TEAD2: variants seen among roughly 807,000 people sequenced by gnomAD.
TEAD2 encodes TEA domain transcription factor 2.
Under a neutral mutation model 61.4 loss-of-function variants are expected in TEAD2, and 51 were observed. The observed-to-expected ratio is 0.83, with a 90% CI of 0.66 to 1.05. The LOEUF (loss-of-function observed/expected upper bound fraction) is 1.05, where lower values mean the gene tolerates loss of function less well. Ranked by LOEUF, TEAD2 falls within the 50% of genes least tolerant of loss-of-function variation. The probability of loss-of-function intolerance (pLI) is 0.00; values close to 1 mark genes in which losing one functional copy is unlikely to be tolerated. For missense variants in TEAD2, 509 were observed against 600.0 expected, an observed-to-expected ratio of 0.85 and a Z score of 1.58; for synonymous variants, 244 against 243.2, an observed-to-expected ratio of 1.00 and a Z score of -0.03.
At position 49,358,822 on chromosome 19, in the gene TEAD2, G is replaced by A. The variant is rs1342667136; in HGVS notation, c.297+613C>T. On this transcript the variant is annotated intron_variant, in intron 3 of 12. Coordinates refer to ENST00000593945, the MANE Select transcript of TEAD2 (RefSeq NM_001256660.2). ...TAATTTTTGTATTTTTAGTAGAGAC[G>A]GGGTTTCACCATGTTGGTCAGGATG... Among the ~76,000 whole-genome samples, 13 of 151,568 alleles carry A rather than the reference G, an allele frequency of 8.6e-5. No individual in the cohort carries two copies. The East Asian group carries it at 1.4e-3, about 16-fold the overall frequency.
At chr19:49,342,629 A>G in intron 11 of TEAD2, 39 bp from the exon 12 acceptor site, 1 of 1,598,608 alleles carries the variant, frequency 6.3e-7, no homozygotes, top group South Asian at 1.1e-5. Flanking sequence ...ATGGTGGCTG[A>G]GAGACCCACG....
intron 8 of TEAD2, 145 bp downstream of exon 8, chr19:49,351,156 C>T (rs763241715): frequency 1.6e-4 from 123 of 751,618 alleles, no homozygotes; most frequent in Admixed American, 3.2e-4. Context: ...TCCAGCCTGG[C>T]GACAGAGGGA....
intron 10 of TEAD2, among the ~76,000 whole-genome samples, chr19:49,345,110 C>A (rs1971548715): frequency 6.6e-6 from 1 of 152,140 alleles, no homozygotes; most frequent in Admixed American, 6.6e-5. Flanking sequence ...AGTCCTGGGA[C>A]CTGATAAGGC....
chr19:49,356,619 G>A (rs980997443), intron 4 of TEAD2, among the ~76,000 whole-genome samples: 1 of 152,064 alleles, frequency 6.6e-6, no homozygotes, highest in African/African-American at 2.4e-5. Context: ...CAAACCAGCG[G>A]AGATGAAGAG....
At chr19:49,361,031 AGGGGGGGAC>A (rs1568585349) in intron 1 of TEAD2, among the ~76,000 whole-genome samples, 959 of 24,722 alleles carry the variant, frequency 0.039, 72 homozygotes, top group African/African-American at 0.15. Context: ...GACCAGAGGG[AGGGGGGGAC>A]AGAGACCAGA....
chr19:49,356,589 A>T (rs2146568871), intron 4 of TEAD2, among the ~76,000 whole-genome samples: 1 of 152,170 alleles, frequency 6.6e-6, no homozygotes, highest in East Asian at 1.9e-4. Context: ...AGGTCATGCA[A>T]AGGTCAGGAA....
At chr19:49,350,012 T>C (rs1971909423) in intron 8 of TEAD2, among the ~76,000 whole-genome samples, 2 of 152,256 alleles carry the variant, frequency 1.3e-5, no homozygotes, top group South Asian at 4.1e-4. Context: ...AAGGCACTTT[T>C]AATGTGGGTC....
In TEAD2 at chr19:49,341,189, C is replaced by T. The variant is rs764286970; in HGVS notation, c.*135G>A. 4.0e-6 allele frequency: 3 copies of T among 745,662 alleles called. No individual in the cohort carries two copies. Among genetic ancestry groups the T allele is most frequent in the Non-Finnish European group, 6.6e-6 (3 of 453,314 alleles). 46.2% of individuals were successfully genotyped at this position (745,662 alleles called of 1,614,324 possible). ...GGGCCCCTCTAATGGGGGGGATGGC[C>T]CCAGTTGCTTAGGCCTCTGAGGTCA... is the stretch of plus-strand genomic sequence containing the variant. On this transcript the variant is annotated 3_prime_UTR_variant, in exon 13 of 13. Coordinates refer to ENST00000593945, the MANE Select transcript of TEAD2 (RefSeq NM_001256660.2). This position sits in a 1 kb window ranked among gnomAD's most constrained non-coding sequence, Gnocchi z 4.2.
intron 10 of TEAD2, among the ~76,000 whole-genome samples, chr19:49,345,833 A>G (rs1317784330): frequency 6.6e-6 from 1 of 152,098 alleles, no homozygotes; most frequent in African/African-American, 2.4e-5. Flanking sequence ...GTTCGAGACC[A>G]GACTGGCCAA....
At chr19:49,361,117 G>A (rs1972864802) in intron 1 of TEAD2, among the ~76,000 whole-genome samples, 1 of 126,032 alleles carries the variant, frequency 7.9e-6, no homozygotes, top group African/African-American at 3.0e-5. Flanking sequence ...GACCCAGGGA[G>A]AGGGGGAGAC....
intron 7 of TEAD2, among the ~76,000 whole-genome samples, 172 bp from the exon 8 acceptor site, chr19:49,351,537 T>A (rs1290119501): frequency 2.0e-5 from 3 of 152,072 alleles, no homozygotes; most frequent in Non-Finnish European, 4.4e-5. Context: ...ATTGCACAAA[T>A]GAGGACAACT....
At chr19:49,352,554 G>T (rs1239242566) in intron 7 of TEAD2, among the ~76,000 whole-genome samples, 1 of 151,602 alleles carries the variant, frequency 6.6e-6, no homozygotes, top group Non-Finnish European at 1.5e-5. Context: ...ATTTTTTTTT[G>T]AGACAGAGTT....
intron 10 of TEAD2, among the ~76,000 whole-genome samples, chr19:49,346,177 A>AG (rs1447774379): frequency 6.8e-6 from 1 of 147,814 alleles, no homozygotes; most frequent in East Asian, 2.0e-4. Flanking sequence ...AAAAAAAAAA[A>AG]AAAAAAAACA....
intron 9 of TEAD2, among the ~76,000 whole-genome samples, chr19:49,347,850 G>A (rs552866915): frequency 3.0e-4 from 45 of 152,216 alleles, no homozygotes; most frequent in Admixed American, 1.3e-4. Context: ...AGGTCTTGTG[G>A]TTGATGTTTT....
At position 49,357,361 on chromosome 19, in the gene TEAD2, C is replaced by T. The variant is rs1482033011; in HGVS notation, c.298-47G>A. ...CAGATTCAGGCCACAGCCACCGCCC[C>T]TGTGTTCACTACCCCTTCTCTCCCT... On this transcript the variant is annotated intron_variant, in intron 3 of 12. Transcript: ENST00000593945. 8.2e-6 allele frequency: 13 copies of T among 1,583,894 alleles called. No individual in the cohort carries two copies. In the Admixed American group the frequency reaches 2.2e-4, roughly 27 times the overall value.
At chr19:49,348,988 C>G in intron 8 of TEAD2, 143 bp from the exon 9 acceptor site, 1 of 1,110,888 alleles carries the variant, frequency 9.0e-7, no homozygotes, top group Non-Finnish European at 1.2e-6. Flanking sequence ...TAGAAGTGGC[C>G]ATGTGACACA....
At chr19:49,360,751 AGGGAG>A (rs767152746) in intron 1 of TEAD2, among the ~76,000 whole-genome samples, 1,172 of 62,612 alleles carry the variant, frequency 0.019, 28 homozygotes, top group Non-Finnish European at 0.027. Context: ...AGACCCAGAG[AGGGAG>A]GGGGACAGAG....
chr19:49,341,486 G>C lies in TEAD2; in HGVS notation c.1243-49C>G. On this transcript the variant is annotated intron_variant, in intron 12 of 12. Coordinates refer to ENST00000593945, the MANE Select transcript of TEAD2 (RefSeq NM_001256660.2). The surrounding 1 kb of genome is among the most constrained non-coding windows in gnomAD (Gnocchi z 4.2). ...GACTTATGCTTAGAAGGGAGGGCAG[G>C]GACCCCTGTGCCCCCCTGCCAAGCT... The C allele has an allele frequency of 6.0e-6, 9 of 1,498,184 alleles. No homozygotes were observed. Among genetic ancestry groups the C allele is most frequent in the Non-Finnish European group, 8.3e-6 (9 of 1,078,268 alleles). 92.8% of individuals were successfully genotyped at this position (1,498,184 alleles called of 1,614,324 possible). A position where few individuals can be genotyped will look rare whatever the true frequency, so the allele number is the denominator to read the frequency against.
intron 8 of TEAD2, among the ~76,000 whole-genome samples, chr19:49,350,973 G>A (rs935203975): frequency 2.0e-5 from 3 of 152,002 alleles, no homozygotes; most frequent in Non-Finnish European, 2.9e-5. Flanking sequence ...AATATCAAAA[G>A]ATCGAGACCA....
Sources: gnomAD v4.1 joint callset for allele counts (sites outside exome capture counted in the v4.1 genomes callset) on GRCh38, gnomAD v4.1.1 for gene constraint, Gnocchi (gnomAD v3.1) non-coding constraint, MANE v1.5 for transcripts, NCBI Gene and HGNC (gene_info 2026-07-23, HGNC 2026-07-21) for gene names.